Variants in SLC6A6 observed in about 807,000 individuals in gnomAD.
SLC6A6 encodes sodium- and chloride-dependent taurine transporter.
A neutral mutation model predicts 68.8 loss-of-function variants in SLC6A6; 16 were observed. The observed-to-expected ratio is 0.23, with a 90% CI of 0.16 to 0.35. SLC6A6 has a LOEUF of 0.35. Among genes scored for constraint, SLC6A6 ranks in the 10% least tolerant of loss-of-function variants. SLC6A6 has a pLI of 1.00. For synonymous variants in SLC6A6, 312 were observed against 315.4 expected, an observed-to-expected ratio of 0.99 and a Z score of 0.12; for missense variants, 474 against 802.8, an observed-to-expected ratio of 0.59 and a Z score of 4.95.
intron 2 of SLC6A6, among the ~76,000 whole-genome samples, chr3:14,440,573 T>G (rs1410701538): frequency 6.6e-6 from 1 of 152,104 alleles, no homozygotes; most frequent in Non-Finnish European, 1.5e-5. Flanking sequence ...AGGACCTGAT[T>G]CTGCTTTTTA....
rs993932864 is a variant in SLC6A6, at chr3:14,477,541, A to G, written c.1347+199A>G. ...GCCCACAGCTGACCCAAACTACCCA[A>G]TTATTTTGCCTGTTGCTGTGGCAAC... is the stretch of plus-strand genomic sequence containing the variant. On this transcript the variant is annotated intron_variant, in intron 11 of 14. Transcript: ENST00000622186. The surrounding 1 kb of genome is among the most constrained non-coding windows in gnomAD (Gnocchi z 4.2). Among the ~76,000 whole-genome samples, 4 of 152,158 alleles carry G rather than the reference A, an allele frequency of 2.6e-5. No homozygotes were observed. The highest frequency in any genetic ancestry group is 9.7e-5 in the African/African-American group (4 of 41,424).
In SLC6A6 at chr3:14,402,987, G is replaced by T. The variant is rs1048868076; in HGVS notation, c.-54+140G>T. ...GGCGCCCCTTTCACCACCGCGGAAG[G>T]GACCGAGAGTCGCCTGCTCAGTCCC... On this transcript the variant is annotated intron_variant, in intron 1 of 14. Coordinates refer to ENST00000622186, the MANE Select transcript of SLC6A6 (RefSeq NM_003043.6). This position sits in a 1 kb window ranked among gnomAD's most constrained non-coding sequence, Gnocchi z 4.8. 3 of 380,796 alleles carry T rather than the reference G, an allele frequency of 7.9e-6. No individual in the cohort carries two copies. The highest frequency in any genetic ancestry group is 6.7e-4 in the Middle Eastern group (1 of 1,488). The allele number at this position is 380,796 out of a possible 1,614,324, so 23.6% of individuals were successfully genotyped here. A position where few individuals can be genotyped will look rare whatever the true frequency, so the allele number is the denominator to read the frequency against.
intron 6 of SLC6A6, among the ~76,000 whole-genome samples, chr3:14,465,224 G>A (rs1283199484): frequency 6.6e-6 from 1 of 152,230 alleles, no homozygotes; most frequent in Non-Finnish European, 1.5e-5. Flanking sequence ...CCATCCATGA[G>A]AACTGAAGCC....
chr3:14,488,220 G>A lies in SLC6A6; in HGVS notation c.*3213G>A, dbSNP rs1701226957. 1 of 152,744 alleles carries A rather than the reference G, an allele frequency of 6.5e-6. No homozygotes were observed. Among genetic ancestry groups the A allele is most frequent in the Non-Finnish European group, 1.5e-5 (1 of 68,126 alleles). 9.5% of individuals were successfully genotyped at this position (152,744 alleles called of 1,614,324 possible). On this transcript the variant is annotated 3_prime_UTR_variant, in exon 15 of 15. Transcript: ENST00000622186. ...CCCGAGGCTCTGCGGGGAGTTTCCA[G>A]GCAGCAGGAAGTGGCCTTGGATGCT...
chr3:14,425,266 G>C (rs1269875915), intron 2 of SLC6A6, among the ~76,000 whole-genome samples: 1 of 152,204 alleles, frequency 6.6e-6, no homozygotes, highest in Non-Finnish European at 1.5e-5. Context: ...AGCTGGGAAG[G>C]GGTGCAGTGT....
At chr3:14,425,075 A>T (rs900518669) in intron 2 of SLC6A6, among the ~76,000 whole-genome samples, 1 of 152,244 alleles carries the variant, frequency 6.6e-6, no homozygotes, top group Non-Finnish European at 1.5e-5. Context: ...AAGGCACGCC[A>T]TGAAAGATGG....
At chr3:14,470,406 T>C (rs1353376777) in intron 9 of SLC6A6, among the ~76,000 whole-genome samples, 1 of 152,196 alleles carries the variant, frequency 6.6e-6, no homozygotes, top group Non-Finnish European at 1.5e-5. Context: ...CATGGCACAT[T>C]GTCTGCTAGC....
intron 9 of SLC6A6, among the ~76,000 whole-genome samples, chr3:14,471,146 T>TC (rs1245619037): frequency 6.6e-6 from 1 of 150,792 alleles, no homozygotes; most frequent in Non-Finnish European, 1.5e-5. Flanking sequence ...TTTTTTTTTT[T>TC]TTTTTTAGTT....
rs533539486 is a variant in SLC6A6 at position 14,463,575 on chromosome 3, C to T, written c.733-2941C>T. Among the ~76,000 whole-genome samples, 34 of 152,356 alleles carry T rather than the reference C, an allele frequency of 2.2e-4. 2 individuals carry two copies. In the South Asian group the frequency reaches 6.6e-3, roughly 30 times the overall value. On this transcript the variant is annotated intron_variant, in intron 6 of 14. Coordinates refer to ENST00000622186, the MANE Select transcript of SLC6A6 (RefSeq NM_003043.6). ...CTATTGTTCGCCAGCCCGGGTGTGGCCCACAAAGGGCCCCAGAGGTGGGAA... is the reference window on the plus strand; with the variant it reads ...CTATTGTTCGCCAGCCCGGGTGTGGTCCACAAAGGGCCCCAGAGGTGGGAA...
rs1700690799 is a variant in SLC6A6, at chr3:14,468,939, C to T, written c.1096+727C>T. Among the ~76,000 whole-genome samples the T allele has an allele frequency of 6.6e-6, 1 of 152,130 alleles. No homozygotes were observed. The highest frequency in any genetic ancestry group is 1.5e-5 in the Non-Finnish European group (1 of 68,018). On this transcript the variant is annotated intron_variant, in intron 9 of 14. Transcript: ENST00000622186. The surrounding 1 kb of genome is among the most constrained non-coding windows in gnomAD (Gnocchi z 4.5). ...CGGGGAACTTAGGAATCTGGGATCC[C>T]AGAGTTCCAGCAAGGTGCTTCTGGA...
chr3:14,453,674 G>A lies in SLC6A6; in HGVS notation c.600-4276G>A, dbSNP rs564773356. Among the ~76,000 whole-genome samples the A allele has an allele frequency of 2.0e-5, 3 of 152,348 alleles. No individual in the cohort carries two copies. The South Asian group carries it at 6.2e-4, about 32-fold the overall frequency. ...GGGACAGGCAGACATTAAATAGATAGCACATGTACAATTATAATATAAAAG... is the reference window on the plus strand; with the variant it reads ...GGGACAGGCAGACATTAAATAGATAACACATGTACAATTATAATATAAAAG... On this transcript the variant is annotated intron_variant, in intron 5 of 14. Coordinates refer to ENST00000622186, the MANE Select transcript of SLC6A6 (RefSeq NM_003043.6).
rs1700410471 is a variant in SLC6A6 at position 14,458,058 on chromosome 3, G to A, written c.708G>A (p.Trp236Ter). The A allele has an allele frequency of 6.2e-7, 1 of 1,614,056 alleles. No individual in the cohort carries two copies. The highest frequency in any genetic ancestry group is 1.1e-5 in the South Asian group (1 of 91,080). Residue 236 changes from tryptophan (W) to a stop codon, truncating the protein, a stop_gained, in exon 6 of 15, where the codon TGG becomes TGA. Transcript: ENST00000622186. LOFTEE classifies it high-confidence loss of function. ...LVWLVCFFCI[W>*]KGVRSTGKVV... ...GGCTAGTGTGTTTCTTCTGCATCTG[G>A]AAGGGCGTCAGGTCCACTGGGAAGG...
intron 3 of SLC6A6, chr3:14,444,431 G>GT: frequency 4.2e-6 from 1 of 236,182 alleles, no homozygotes; most frequent in South Asian, 5.3e-5. Flanking sequence ...GTTGGTTTGG[G>GT]TTTTTGGATT....
At chr3:14,408,583 C>T (rs938246096) in intron 1 of SLC6A6, among the ~76,000 whole-genome samples, 1 of 152,112 alleles carries the variant, frequency 6.6e-6, no homozygotes, top group Non-Finnish European at 1.5e-5. Context: ...GATCCGCCTG[C>T]CTTGGCCTTC....
chr3:14,408,478 G>T (rs1180547651), intron 1 of SLC6A6, among the ~76,000 whole-genome samples: 1 of 151,992 alleles, frequency 6.6e-6, no homozygotes, highest in Admixed American at 6.5e-5. Context: ...GGGACTACCG[G>T]CACGTGCCAT....
At chr3:14,479,329 G>A in intron 13 of SLC6A6, 144 bp downstream of exon 13, 1 of 627,320 alleles carries the variant, frequency 1.6e-6, no homozygotes, top group Non-Finnish European at 2.9e-6. Flanking sequence ...GGAGAGGGGA[G>A]GAAGGCTGCT....
At chr3:14,403,683 C>T (rs537533290) in intron 1 of SLC6A6, among the ~76,000 whole-genome samples, 150 of 152,328 alleles carry the variant, frequency 9.8e-4, no homozygotes, top group Non-Finnish European at 1.4e-3. Flanking sequence ...AGTGGACAGC[C>T]GGCAGGGCCA....
intron 5 of SLC6A6, among the ~76,000 whole-genome samples, chr3:14,456,636 G>T (rs1303999776): frequency 1.3e-5 from 2 of 152,248 alleles, no homozygotes; most frequent in Non-Finnish European, 2.9e-5. Flanking sequence ...TGACTGTGGG[G>T]GTAATCCCAC....
chr3:14,439,003 G>A (rs1699923152), intron 2 of SLC6A6, among the ~76,000 whole-genome samples: 1 of 152,238 alleles, frequency 6.6e-6, no homozygotes, highest in Non-Finnish European at 1.5e-5. Flanking sequence ...GATGCTGGGG[G>A]AGGCAGCATC....
Sources: gnomAD v4.1 joint callset for allele counts (sites outside exome capture counted in the v4.1 genomes callset) on GRCh38, gnomAD v4.1.1 for gene constraint, Gnocchi (gnomAD v3.1) non-coding constraint, MANE v1.5 for transcripts, NCBI Gene and HGNC (gene_info 2026-07-23, HGNC 2026-07-21) for gene names.